CENPV: variants seen among roughly 807,000 people sequenced by gnomAD.
CENPV encodes centromere protein V.
In CENPV, 15 loss-of-function variants were observed where a neutral mutation model predicts 26.4. The observed-to-expected ratio is 0.57, with a 90% CI of 0.38 to 0.88. CENPV has a LOEUF of 0.88. CENPV is among the 40% of genes least tolerant of loss of function. The pLI, the probability that CENPV is intolerant of heterozygous loss-of-function variation, is 0.00. For missense variants in CENPV, 336 were observed against 376.5 expected (o/e 0.89, Z 0.89); for synonymous variants, 172 against 165.5 (o/e 1.04, Z -0.30).
chr17:16,347,688 C>G (rs911278287), intron 3 of CENPV: 2 of 127,288 alleles, frequency 1.6e-5, no homozygotes, highest in Admixed American at 7.5e-5. Context: ...AAACGGGACT[C>G]AACTGCAATG....
In CENPV at chr17:16,349,861, A is replaced by T. The variant is rs1021241974; in HGVS notation, c.509+70T>A. Reference sequence around the variant, plus strand: ...TTTCCTCTGTACCCCAACTCCCCAGATTATTTTGAAATATTGCATTTTAAC... The same window carrying T: ...TTTCCTCTGTACCCCAACTCCCCAGTTTATTTTGAAATATTGCATTTTAAC... On this transcript the variant is annotated intron_variant, in intron 2 of 4. Coordinates refer to ENST00000299736, the MANE Select transcript of CENPV (RefSeq NM_181716.3). The T allele has an allele frequency of 3.2e-6, 5 of 1,583,304 alleles. No homozygotes were observed. In the Admixed American group the frequency reaches 5.5e-5, roughly 17 times the overall value.
intron 3 of CENPV, 70 bp downstream of exon 3, chr17:16,348,546 G>C: frequency 6.2e-7 from 1 of 1,601,478 alleles, no homozygotes; most frequent in Non-Finnish European, 8.5e-7. Context: ...CATGCTAACA[G>C]TTGGGTGGGG....
At chr17:16,352,946 G>T in intron 1 of CENPV, 81 bp downstream of exon 1, 1 of 1,426,146 alleles carries the variant, frequency 7.0e-7, no homozygotes, top group Non-Finnish European at 9.2e-7. Context: ...CCCAAGGCCT[G>T]CACGCGGGCT....
chr17:16,345,900 C>A (rs2093204512), intron 3 of CENPV, among the ~76,000 whole-genome samples: 1 of 152,066 alleles, frequency 6.6e-6, no homozygotes, highest in Non-Finnish European at 1.5e-5. Context: ...AAGGACAAAC[C>A]AGGAAAAAAA....
rs1477970960 is a variant in CENPV, at chr17:16,353,252, CGCGGCTTCTCCGACG to C, written c.170_184del (p.Pro57_Pro61del). Reference sequence around the variant, plus strand: ...GGCCCGCGGCGACGAGCGCCTCAGCCGCGGCTTCTCCGACGGCGGCTTCTCCACCGCCTGGCTCTT... The same window carrying C: ...GGCCCGCGGCGACGAGCGCCTCAGCCGCGGCTTCTCCACCGCCTGGCTCTT... On this transcript the variant is annotated inframe_deletion, in exon 1 of 5. Coordinates refer to ENST00000299736, the MANE Select transcript of CENPV (RefSeq NM_181716.3). 4.9e-6 allele frequency: 7 copies of C among 1,416,434 alleles called. No individual in the cohort carries two copies. Among genetic ancestry groups the C allele is most frequent in the Middle Eastern group, 2.5e-4 (1 of 3,946 alleles). 87.7% of individuals were successfully genotyped at this position (1,416,434 alleles called of 1,614,324 possible). A position where few individuals can be genotyped will look rare whatever the true frequency, so the allele number is the denominator to read the frequency against.
At chr17:16,345,920 G>C (rs2093204617) in intron 3 of CENPV, among the ~76,000 whole-genome samples, 1 of 152,230 alleles carries the variant, frequency 6.6e-6, no homozygotes, top group Admixed American at 6.5e-5. Context: ...ATATTTGCCA[G>C]ACGTCATAGA....
At chr17:16,352,823 C>T (rs1341456846) in intron 1 of CENPV, among the ~76,000 whole-genome samples, 1 of 151,940 alleles carries the variant, frequency 6.6e-6, no homozygotes, top group East Asian at 1.9e-4. Context: ...CCAGGCCACA[C>T]AGCCCTAGAA....
chr17:16,352,578 C>A (rs2142903936), intron 1 of CENPV, among the ~76,000 whole-genome samples: 1 of 152,310 alleles, frequency 6.6e-6, no homozygotes, highest in South Asian at 2.1e-4. Flanking sequence ...AACGCTTCTA[C>A]CTTTCCCTTC....
intron 3 of CENPV, 58 bp downstream of exon 3, chr17:16,348,558 G>T (rs1215311230): frequency 1.2e-6 from 2 of 1,606,122 alleles, no homozygotes; most frequent in Non-Finnish European, 1.7e-6. Flanking sequence ...TGGGTGGGGG[G>T]TCCTGTAAAT....
At chr17:16,352,134 C>T (rs2093231224) in intron 1 of CENPV, among the ~76,000 whole-genome samples, 1 of 152,118 alleles carries the variant, frequency 6.6e-6, no homozygotes, top group African/African-American at 2.4e-5. Flanking sequence ...GTTTTTTCCC[C>T]CTAGTGTTTT....
At chr17:16,352,513 G>C (rs926110105) in intron 1 of CENPV, among the ~76,000 whole-genome samples, 10 of 152,072 alleles carry the variant, frequency 6.6e-5, no homozygotes, top group African/African-American at 1.2e-4. Flanking sequence ...GCAGTGCCTG[G>C]AACAATGACG....
At position 16,353,245 on chromosome 17, in the gene CENPV, C is replaced by T. The variant is rs1433635955; in HGVS notation, c.192G>A (p.Arg64=). The change falls in exon 1 of 5, where the codon AGG becomes AGA. Residue 64 remains arginine (R), a synonymous_variant. Coordinates refer to ENST00000299736, the MANE Select transcript of CENPV (RefSeq NM_181716.3). ...EKPPSEKPRL[R]RSSPRAQEEG... is the part of the protein sequence containing the mutation. Reference sequence around the variant, plus strand: ...CCTCCTGGGCCCGCGGCGACGAGCGCCTCAGCCGCGGCTTCTCCGACGGCG... The same window carrying T: ...CCTCCTGGGCCCGCGGCGACGAGCGTCTCAGCCGCGGCTTCTCCGACGGCG... 7.1e-7 allele frequency: 1 copy of T among 1,411,706 alleles called. No homozygotes were observed. The allele number at this position is 1,411,706 out of a possible 1,614,324, so 87.4% of individuals were successfully genotyped here. A position where few individuals can be genotyped will look rare whatever the true frequency, so the allele number is the denominator to read the frequency against.
rs566703429 is a variant in CENPV at position 16,352,955 on chromosome 17, C to G, written c.410+72G>C. The G allele has an allele frequency of 6.9e-6, 10 of 1,442,886 alleles. No individual in the cohort carries two copies. The South Asian group carries it at 1.4e-4, about 20-fold the overall frequency. The allele number at this position is 1,442,886 out of a possible 1,614,324, so 89.4% of individuals were successfully genotyped here. On this transcript the variant is annotated intron_variant, in intron 1 of 4. Transcript: ENST00000299736. ...AAGGCGCCCAAGGCCTGCACGCGGG[C>G]TGCGAGCCCGACTCCTGCCGAGGGG...
In CENPV at chr17:16,353,287, G is replaced by T; in HGVS notation, c.150C>A (p.Ser50Arg). The change falls in exon 1 of 5, where the codon AGC becomes AGA. Residue 50 changes from serine to arginine, a missense_variant. Ser to Arg is a moderately radical substitution (Grantham distance 110, BLOSUM62 -1). This residue lies in a region of CENPV where 181 missense variants were observed against 148.8 expected (regional missense o/e 1.22). Transcript: ENST00000299736. ...RRSASQAGSK[S>R]QAVEKPPSEK... ...CCGACGGCGGCTTCTCCACCGCCTG[G>T]CTCTTGCTCCCGGCCTGGCTAGCGG... 1 of 1,420,804 alleles carries T rather than the reference G, an allele frequency of 7.0e-7. No homozygotes were observed. The allele number at this position is 1,420,804 out of a possible 1,614,324, so 88.0% of individuals were successfully genotyped here.
At chr17:16,349,257 A>G in intron 2 of CENPV, 1 of 987,224 alleles carries the variant, frequency 1.0e-6, no homozygotes, top group Middle Eastern at 5.2e-4. Context: ...TCTGGACTCT[A>G]TTGTTAGTAG....
In CENPV at chr17:16,353,426, G is replaced by C. The variant is rs889433286; in HGVS notation, c.11C>G (p.Ser4Trp). The C allele has an allele frequency of 4.3e-6, 5 of 1,162,240 alleles. No homozygotes were observed. The highest frequency in any genetic ancestry group is 4.1e-5 in the South Asian group (1 of 24,176). The allele number at this position is 1,162,240 out of a possible 1,614,324, so 72.0% of individuals were successfully genotyped here. A position where few individuals can be genotyped will look rare whatever the true frequency, so the allele number is the denominator to read the frequency against. Residue 4 changes from serine (S) to tryptophan (W), a missense_variant, in exon 1 of 5, where the codon TCG (serine) becomes TGG (tryptophan). Ser to Trp is a radical substitution (Grantham distance 177, BLOSUM62 -3). Around this residue, in one of 2 missense-constraint regions of CENPV, gnomAD observed 181 missense variants for 148.8 expected, o/e 1.22. Transcript: ENST00000299736. MRR[S>W]RSSAAAKLRG... is the part of the protein sequence containing the mutation. Reference sequence around the variant, plus strand: ...CAGCTTGGCGGCCGCAGAGCTCCTCGATCGCCGCATGGCTCCCGCAGCCTG... The same window carrying C: ...CAGCTTGGCGGCCGCAGAGCTCCTCCATCGCCGCATGGCTCCCGCAGCCTG...
chr17:16,342,876 TG>T lies in CENPV; in HGVS notation c.759del (p.Ser254AlafsTer7). ...TCTTTCATGGCCTTCTCCCAATCGC[TG>T]CCATTGAATTCCTCAGTGACCATAC... ...VRSMVTEEFNGSDWEKAMKEH... is the reference protein window; with the variant it reads ...VRSMVTEEFNXSDWEKAMKEH... On this transcript the variant is annotated frameshift_variant, in exon 5 of 5. Transcript: ENST00000299736. LOFTEE classifies it high-confidence loss of function. The T allele has an allele frequency of 6.2e-7, 1 of 1,614,142 alleles. No homozygotes were observed. Among genetic ancestry groups the T allele is most frequent in the Non-Finnish European group, 8.5e-7 (1 of 1,180,028 alleles).
chr17:16,351,490 CATA>C (rs1413239762), intron 1 of CENPV: 2 of 152,180 alleles, frequency 1.3e-5, no homozygotes, highest in African/African-American at 4.8e-5. Context: ...TTTCTGCACA[CATA>C]ATGCTTATTG....
chr17:16,343,690 C>T (rs568776831), intron 4 of CENPV, among the ~76,000 whole-genome samples: 13 of 152,272 alleles, frequency 8.5e-5, no homozygotes, highest in African/African-American at 2.6e-4. Flanking sequence ...AAGGAGTCTC[C>T]ATGTGACAGA....
Sources: allele counts gnomAD v4.1 joint callset (sites outside exome capture counted in the v4.1 genomes callset), GRCh38; gene constraint gnomAD v4.1.1; regional missense constraint gnomAD v4.1.1; transcripts MANE v1.5; gene names NCBI Gene and HGNC (gene_info 2026-07-23, HGNC 2026-07-21).